PTPRT: variants seen among roughly 807,000 people sequenced by gnomAD.
PTPRT encodes the protein receptor-type tyrosine-protein phosphatase T.
PTPRT carries 56 observed loss-of-function variants against 176.8 expected under a neutral mutation model. The ratio of observed to expected loss-of-function variants is 0.32; its 90% CI spans 0.26 to 0.40. The LOEUF is 0.40. PTPRT is among the 10% of genes least tolerant of loss of function. The pLI, the probability that PTPRT is intolerant of heterozygous loss-of-function variation, is 1.00. For synonymous variants in PTPRT, 783 were observed against 739.0 expected, an observed-to-expected ratio of 1.06 and a Z score of -0.96; for missense variants, 1,540 against 1,908.2, an observed-to-expected ratio of 0.81 and a Z score of 3.60.
At chr20:42,101,726 G>A (rs1985952219) in intron 26 of PTPRT, among the ~76,000 whole-genome samples, 1 of 152,246 alleles carries the variant, frequency 6.6e-6, no homozygotes, top group South Asian at 2.1e-4. Context: ...CCAGAGGGCA[G>A]AACCTGTGTC....
At chr20:42,206,356 T>C (rs1453468108) in intron 15 of PTPRT, among the ~76,000 whole-genome samples, 1 of 152,132 alleles carries the variant, frequency 6.6e-6, no homozygotes, top group Non-Finnish European at 1.5e-5. Flanking sequence ...ATTTCTGCAT[T>C]TCCATCTGAG....
At chr20:42,318,235 T>A (rs533148879) in intron 11 of PTPRT, among the ~76,000 whole-genome samples, 163 of 152,276 alleles carry the variant, frequency 1.1e-3, no homozygotes, top group Non-Finnish European at 1.9e-3. Flanking sequence ...CTGGGGTCCT[T>A]CTCAACTGTA....
At chr20:42,217,100 G>A (rs117222228) in intron 15 of PTPRT, among the ~76,000 whole-genome samples, 34 of 152,064 alleles carry the variant, frequency 2.2e-4, no homozygotes, top group African/African-American at 8.0e-4. Context: ...CAGGCCAGGC[G>A]CAGTGGCTCA....
intron 7 of PTPRT, among the ~76,000 whole-genome samples, chr20:42,551,005 T>C (rs1326970972): frequency 6.6e-6 from 1 of 152,150 alleles, no homozygotes; most frequent in Non-Finnish European, 1.5e-5. Context: ...CTGGGTAATG[T>C]ACTTAACCTC....
At chr20:42,901,912 A>G (rs2079409805) in intron 1 of PTPRT, among the ~76,000 whole-genome samples, 1 of 152,204 alleles carries the variant, frequency 6.6e-6, no homozygotes, top group South Asian at 2.1e-4. Context: ...ATTTGCCTAC[A>G]TATCATCTAC....
chr20:42,693,498 C>A (rs2146127827), intron 6 of PTPRT, among the ~76,000 whole-genome samples: 1 of 152,160 alleles, frequency 6.6e-6, no homozygotes, highest in Admixed American at 6.5e-5. Flanking sequence ...AGGTATTAAG[C>A]TACAGTAATT....
At chr20:42,176,175 G>T (rs1990282467) in intron 16 of PTPRT, among the ~76,000 whole-genome samples, 1 of 152,072 alleles carries the variant, frequency 6.6e-6, no homozygotes, top group South Asian at 2.1e-4. Flanking sequence ...ACACTCATTT[G>T]TTAGGTACAC....
At chr20:42,810,614 G>A (rs960400811) in intron 2 of PTPRT, among the ~76,000 whole-genome samples, 3 of 152,212 alleles carry the variant, frequency 2.0e-5, no homozygotes, top group African/African-American at 7.2e-5. Context: ...AATACCTGGT[G>A]TCTATAGTCC....
chr20:43,128,136 C>G (rs1297752233), intron 1 of PTPRT, among the ~76,000 whole-genome samples: 1 of 152,108 alleles, frequency 6.6e-6, no homozygotes, highest in Non-Finnish European at 1.5e-5. Flanking sequence ...GACAAAGATA[C>G]CCACTGTAAG....
chr20:42,512,211 A>AC (rs1408892088), intron 7 of PTPRT, among the ~76,000 whole-genome samples: 13 of 152,190 alleles, frequency 8.5e-5, no homozygotes, highest in Non-Finnish European at 1.6e-4. Flanking sequence ...TGTAACCACC[A>AC]CCACTATCAG....
chr20:42,603,304 A>T (rs1463335329), intron 7 of PTPRT, among the ~76,000 whole-genome samples: 1 of 152,142 alleles, frequency 6.6e-6, no homozygotes. Context: ...TTGAGCCGAG[A>T]CTAAAATGAG....
chr20:42,453,857 C>A (rs1355203082), intron 8 of PTPRT, among the ~76,000 whole-genome samples: 5 of 146,650 alleles, frequency 3.4e-5, no homozygotes, highest in East Asian at 4.0e-4. Context: ...TTTTTTGAGA[C>A]CCGGCTAATT....
intron 1 of PTPRT, among the ~76,000 whole-genome samples, chr20:43,170,850 T>C (rs777424566): frequency 6.6e-6 from 1 of 152,168 alleles, no homozygotes; most frequent in African/African-American, 2.4e-5. Context: ...ATGAGATATA[T>C]TTAAGGGCAA....
intron 21 of PTPRT, among the ~76,000 whole-genome samples, chr20:42,116,982 G>A (rs1320569628): frequency 6.6e-6 from 1 of 152,178 alleles, no homozygotes; most frequent in Non-Finnish European, 1.5e-5. Context: ...CCCTGGGCCT[G>A]GGTCCCTGGG....
chr20:42,112,478 C>T (rs184584756), intron 22 of PTPRT, among the ~76,000 whole-genome samples: 3 of 152,318 alleles, frequency 2.0e-5, no homozygotes, highest in East Asian at 1.9e-4. Flanking sequence ...TTGCCCGGTA[C>T]GTGGGACTTT....
intron 1 of PTPRT, among the ~76,000 whole-genome samples, chr20:42,985,411 C>T (rs1411474217): frequency 6.6e-6 from 1 of 152,102 alleles, no homozygotes; most frequent in East Asian, 1.9e-4. Context: ...AGGAGAATCA[C>T]TTGAACCCAG....
chr20:42,192,564 T>G (rs1991042545), intron 16 of PTPRT, among the ~76,000 whole-genome samples: 2 of 152,154 alleles, frequency 1.3e-5, no homozygotes, highest in Non-Finnish European at 2.9e-5. Flanking sequence ...CCCTCCTCTT[T>G]GGCAGAAAAT....
At chr20:42,101,814 G>A (rs1985962655) in intron 26 of PTPRT, among the ~76,000 whole-genome samples, 1 of 152,262 alleles carries the variant, frequency 6.6e-6, no homozygotes. Flanking sequence ...CAGGCTGAGA[G>A]TCGGCTCTGT....
intron 2 of PTPRT, among the ~76,000 whole-genome samples, chr20:42,799,808 T>C (rs1239694195): frequency 1.3e-5 from 2 of 152,144 alleles, no homozygotes; most frequent in Admixed American, 6.5e-5. Context: ...CAGGTATATA[T>C]ACAGGTAGAG....
Sources: allele counts gnomAD v4.1 joint callset (sites outside exome capture counted in the v4.1 genomes callset), GRCh38; gene constraint gnomAD v4.1.1; transcripts MANE v1.5; gene names NCBI Gene and HGNC (gene_info 2026-07-23, HGNC 2026-07-21).